Variants in ACAP2 observed in about 807,000 individuals in gnomAD.
The protein encoded by ACAP2 is ArfGAP with coiled-coil, ankyrin repeat and PH domains 2, also known as arf-GAP with coiled-coil, ANK repeat and PH domain-containing protein 2.
In ACAP2, 39 loss-of-function variants were observed where a neutral mutation model predicts 115.8. That is an observed-to-expected ratio of 0.34 (90% CI 0.26 to 0.44). The LOEUF is 0.44. ACAP2 is among the 20% of genes least tolerant of loss of function. ACAP2 has a pLI of 1.00. For synonymous variants in ACAP2, 289 were observed against 315.8 expected, an observed-to-expected ratio of 0.92 and a Z score of 0.90; for missense variants, 662 against 927.6, an observed-to-expected ratio of 0.71 and a Z score of 3.72.
chr3:195,340,734 G>A (rs1730811694), intron 6 of ACAP2, among the ~76,000 whole-genome samples: 3 of 152,280 alleles, frequency 2.0e-5, no homozygotes, highest in Non-Finnish European at 2.9e-5. Flanking sequence ...TAAAACCTCT[G>A]CATGAGCCAT....
intron 17 of ACAP2, chr3:195,295,105 T>C: frequency 1.6e-6 from 1 of 639,900 alleles, no homozygotes; most frequent in Non-Finnish European, 2.4e-6. Context: ...AACGTGTAAT[T>C]CTGAGACAAT....
chr3:195,411,134 G>A (rs745683142), intron 1 of ACAP2: 31 of 191,492 alleles, frequency 1.6e-4, no homozygotes, highest in Non-Finnish European at 3.2e-4. Context: ...AACATAACAA[G>A]TGTCAATGAG....
intron 9 of ACAP2, among the ~76,000 whole-genome samples, chr3:195,322,162 A>G (rs1729494646): frequency 6.6e-6 from 1 of 152,190 alleles, no homozygotes; most frequent in Admixed American, 6.5e-5. Flanking sequence ...TTCAATATTT[A>G]AAATATTGCC....
chr3:195,336,667 G>T, intron 7 of ACAP2: 2 of 341,188 alleles, frequency 5.9e-6, no homozygotes, highest in Non-Finnish European at 1.1e-5. Flanking sequence ...AGCAACATAT[G>T]AGGATAAAAG....
intron 6 of ACAP2, among the ~76,000 whole-genome samples, chr3:195,341,493 T>G (rs1730875133): frequency 6.6e-6 from 1 of 151,856 alleles, no homozygotes; most frequent in Admixed American, 6.6e-5. Flanking sequence ...CCCAGCTAAT[T>G]TTTTGTATTT....
chr3:195,386,809 A>C (rs375675474), intron 2 of ACAP2, among the ~76,000 whole-genome samples: 16 of 152,242 alleles, frequency 1.1e-4, no homozygotes, highest in African/African-American at 3.9e-4. Flanking sequence ...TTTAAAAAAA[A>C]AAAAAGTGAT....
Position 195,356,027 on chromosome 3 carries a change from A to G in ACAP2, c.286-10710T>C, listed in dbSNP as rs959840685. 9.0e-6 allele frequency: 4 copies of G among 446,214 alleles called. No homozygotes were observed. In the Admixed American group the frequency reaches 9.5e-5, roughly 11 times the overall value. The allele number at this position is 446,214 out of a possible 1,614,324, so 27.6% of individuals were successfully genotyped here. On this transcript the variant is annotated intron_variant, in intron 4 of 22. Transcript: ENST00000326793. ...TCTGACAACCACCTACACAAAAAGC[A>G]CCTTCATAAGAACCAAAAATCATGT...
intron 9 of ACAP2, among the ~76,000 whole-genome samples, chr3:195,322,862 T>C (rs1447709427): frequency 6.6e-6 from 1 of 152,234 alleles, no homozygotes; most frequent in African/African-American, 2.4e-5. Flanking sequence ...TTCAATTTAA[T>C]TACTATTAAT....
Position 195,410,874 on chromosome 3 carries a change from A to G in ACAP2, c.54-18727T>C, listed in dbSNP as rs879168505. On this transcript the variant is annotated intron_variant, in intron 1 of 22. Transcript: ENST00000326793. ...AAAAGAGGCTGAAGAAAGGGTCCTA[A>G]TGGTCCCTTTTTTGCCCTTCCACCT... 30 of 210,050 alleles carry G rather than the reference A, an allele frequency of 1.4e-4. No individual in the cohort carries two copies. The South Asian group carries it at 1.5e-3, about 10-fold the overall frequency. The allele number at this position is 210,050 out of a possible 1,614,324, so 13.0% of individuals were successfully genotyped here. A position where few individuals can be genotyped will look rare whatever the true frequency, so the allele number is the denominator to read the frequency against.
chr3:195,301,849 G>A (rs1217081388), intron 14 of ACAP2, 117 bp downstream of exon 14: 2 of 1,301,020 alleles, frequency 1.5e-6, no homozygotes, highest in African/African-American at 3.0e-5. Flanking sequence ...AAGGTACAAA[G>A]ATACAAACTG....
At chr3:195,401,686 A>G (rs1010312611) in intron 1 of ACAP2, among the ~76,000 whole-genome samples, 1 of 152,198 alleles carries the variant, frequency 6.6e-6, no homozygotes, top group Non-Finnish European at 1.5e-5. Context: ...AGAAGACTAC[A>G]GAACAGTAAC....
chr3:195,407,284 G>A (rs1226353078), intron 1 of ACAP2, among the ~76,000 whole-genome samples: 1 of 151,178 alleles, frequency 6.6e-6, no homozygotes, highest in Non-Finnish European at 1.5e-5. Flanking sequence ...GATTGTTTGA[G>A]CCCAAGAGTT....
intron 1 of ACAP2, among the ~76,000 whole-genome samples, chr3:195,433,704 G>A (rs1715314558): frequency 6.6e-6 from 1 of 152,178 alleles, no homozygotes; most frequent in Non-Finnish European, 1.5e-5. Flanking sequence ...TGAGATGATT[G>A]TGTTGTTTTA....
chr3:195,363,314 C>T (rs1732493584), intron 4 of ACAP2, among the ~76,000 whole-genome samples: 1 of 152,108 alleles, frequency 6.6e-6, no homozygotes, highest in Non-Finnish European at 1.5e-5. Flanking sequence ...AATGGAGAGA[C>T]ATTCTATGTT....
At chr3:195,320,454 CTCCTTGCTTCCTTATTTAA>C (rs565083037) in intron 10 of ACAP2, among the ~76,000 whole-genome samples, 1,819 of 152,230 alleles carry the variant, frequency 0.012, 33 homozygotes, top group African/African-American at 0.04. Flanking sequence ...TATAAAAATT[CTCCTTGCTTCCTTATTTAA>C]TCCTTGCTTC....
At chr3:195,394,925 T>TACGAAGCACA (rs1560324261) in intron 1 of ACAP2, among the ~76,000 whole-genome samples, 2 of 150,714 alleles carry the variant, frequency 1.3e-5, no homozygotes, top group African/African-American at 4.9e-5. Flanking sequence ...CTCTTTTTTT[T>TACGAAGCACA]TTTTTTTTTT....
At chr3:195,316,428 C>CA (rs1380431250) in intron 10 of ACAP2, among the ~76,000 whole-genome samples, 6 of 152,084 alleles carry the variant, frequency 3.9e-5, no homozygotes, top group Admixed American at 1.3e-4. Context: ...GACAGAGTCT[C>CA]ACTGTGTCGC....
chr3:195,336,842 T>C, intron 7 of ACAP2, 90 bp downstream of exon 7: 1 of 985,486 alleles, frequency 1.0e-6, no homozygotes, highest in South Asian at 1.4e-5. Context: ...AACCTTATCA[T>C]GTATATAGCA....
chr3:195,395,613 T>C (rs945052618), intron 1 of ACAP2, among the ~76,000 whole-genome samples: 5 of 152,260 alleles, frequency 3.3e-5, no homozygotes, highest in African/African-American at 4.8e-5. Context: ...GTAGTCTCTA[T>C]GGCAGCTTCC....
Sources: allele counts gnomAD v4.1 joint callset (sites outside exome capture counted in the v4.1 genomes callset), GRCh38; gene constraint gnomAD v4.1.1; transcripts MANE v1.5; gene names NCBI Gene and HGNC (gene_info 2026-07-23, HGNC 2026-07-21).